The following TLN2 variants were observed in gnomAD, a reference collection of about 807,000 sequenced individuals.
TLN2 encodes talin 2, also known as talin-2.
TLN2 carries 118 observed loss-of-function variants against 294.7 expected under a neutral mutation model. The observed-to-expected ratio is 0.40, with a 90% CI of 0.34 to 0.47. The LOEUF is 0.47. TLN2 is among the 20% of genes least tolerant of loss of function. The pLI, the probability that TLN2 is intolerant of heterozygous loss-of-function variation, is 0.84. For synonymous variants in TLN2, 1,431 were observed against 1,304.5 expected (o/e 1.10, Z -2.09); for missense variants, 3,083 against 3,282.2 (o/e 0.94, Z 1.48).
In TLN2 at chr15:62,691,443, T is replaced by G. The variant is rs989182666; in HGVS notation, c.1114-1397T>G. ...CAGTTCTGTAATTTCCATTTGGTTCTTTTTTATGACTTCTGTTTCTTTGTT... is the reference window on the plus strand; with the variant it reads ...CAGTTCTGTAATTTCCATTTGGTTCGTTTTTATGACTTCTGTTTCTTTGTT... On this transcript the variant is annotated intron_variant, in intron 12 of 58. Transcript: ENST00000636159. Among the ~76,000 whole-genome samples, 7 of 152,232 alleles carry G rather than the reference T, an allele frequency of 4.6e-5. No individual in the cohort carries two copies. In the East Asian group the frequency reaches 1.2e-3, roughly 25 times the overall value.
chr15:62,484,226 T>G (rs2038260164), intron 1 of TLN2, among the ~76,000 whole-genome samples: 1 of 152,192 alleles, frequency 6.6e-6, no homozygotes, highest in African/African-American at 2.4e-5. Flanking sequence ...ACTTGAATGC[T>G]AGTGCTCTGG....
intron 1 of TLN2, among the ~76,000 whole-genome samples, chr15:62,553,251 T>A (rs2042422323): frequency 6.6e-6 from 1 of 152,094 alleles, no homozygotes; most frequent in East Asian, 1.9e-4. Flanking sequence ...ATCCCAGCAC[T>A]TTGGGAGGCC....
rs1040608557 is a variant in TLN2 at position 62,693,575 on chromosome 15, G to A, written c.1215+634G>A. Among the ~76,000 whole-genome samples the A allele has an allele frequency of 3.4e-5, 5 of 148,028 alleles. No individual in the cohort carries two copies. The Admixed American group carries it at 3.4e-4, about 10-fold the overall frequency. ...CAGCCTCTGTGGGAACTTGGATTGA[G>A]GGGCCAAAAATGATCTTTGTAGTTT... On this transcript the variant is annotated intron_variant, in intron 13 of 58. Transcript: ENST00000636159.
intron 22 of TLN2, among the ~76,000 whole-genome samples, chr15:62,713,901 T>TAC (rs1268502599): frequency 1.9e-5 from 2 of 106,040 alleles, no homozygotes; most frequent in Non-Finnish European, 4.9e-5. Context: ...TTAAGCCATA[T>TAC]ATATATATAT....
At chr15:62,538,375 A>G (rs1301147920) in intron 1 of TLN2, among the ~76,000 whole-genome samples, 1 of 152,192 alleles carries the variant, frequency 6.6e-6, no homozygotes, top group African/African-American at 2.4e-5. Context: ...CCTAATTCTT[A>G]TAGGACCACT....
chr15:62,511,667 T>A (rs1211946), intron 1 of TLN2, among the ~76,000 whole-genome samples: 6,361 of 151,908 alleles, frequency 0.042, 449 homozygotes, highest in African/African-American at 0.15. Context: ...GTAAGCGGTA[T>A]GCTTCATGGA....
chr15:62,770,582 G>T (rs1217188502), intron 41 of TLN2, among the ~76,000 whole-genome samples: 2 of 152,084 alleles, frequency 1.3e-5, no homozygotes, highest in Non-Finnish European at 2.9e-5. Flanking sequence ...GCTTTTTTCT[G>T]CTCCCCTGCT....
chr15:62,410,477 G>A (rs1044170819), intron 1 of TLN2, among the ~76,000 whole-genome samples: 8 of 152,196 alleles, frequency 5.3e-5, no homozygotes. Context: ...AAAGGTATCA[G>A]AGGAACTTGT....
At chr15:62,433,405 G>A (rs140239618) in intron 1 of TLN2, among the ~76,000 whole-genome samples, 1 of 152,118 alleles carries the variant, frequency 6.6e-6, no homozygotes, top group Non-Finnish European at 1.5e-5. Context: ...AGGGCCTGCT[G>A]AGAACCAGAG....
intron 22 of TLN2, among the ~76,000 whole-genome samples, chr15:62,713,898 A>ATG: frequency 7.1e-5 from 1 of 13,990 alleles, no homozygotes; most frequent in Non-Finnish European, 2.8e-4. Context: ...TCTTTAAGCC[A>ATG]TATATATATA....
intron 1 of TLN2, among the ~76,000 whole-genome samples, chr15:62,412,619 G>A (rs1159677265): frequency 6.6e-6 from 1 of 152,178 alleles, no homozygotes; most frequent in Non-Finnish European, 1.5e-5. Context: ...GTAAGAGTCA[G>A]CAACTTTGAG....
chr15:62,694,065 T>TCAAG (rs1215135321), intron 13 of TLN2, among the ~76,000 whole-genome samples: 2 of 148,848 alleles, frequency 1.3e-5, no homozygotes, highest in Non-Finnish European at 3.0e-5. Flanking sequence ...GCCTCCCAGT[T>TCAAG]CAAGCAATTC....
At chr15:62,760,960 C>T (rs1013133057) in intron 37 of TLN2, among the ~76,000 whole-genome samples, 4 of 152,172 alleles carry the variant, frequency 2.6e-5, no homozygotes, top group Admixed American at 1.3e-4. Flanking sequence ...ATGCTCTCTC[C>T]GGTCTTATCT....
chr15:62,442,621 C>T (rs1450745957), intron 1 of TLN2, among the ~76,000 whole-genome samples: 1 of 151,208 alleles, frequency 6.6e-6, no homozygotes, highest in Non-Finnish European at 1.5e-5. Context: ...ATTTTGGTGA[C>T]CAGAAGTGTA....
At chr15:62,497,104 C>T (rs556864452) in intron 1 of TLN2, among the ~76,000 whole-genome samples, 40 of 152,214 alleles carry the variant, frequency 2.6e-4, no homozygotes, top group African/African-American at 9.2e-4. Context: ...TTCTGACACC[C>T]GTGGGAATGA....
At chr15:62,696,996 T>C (rs888600205) in intron 14 of TLN2, among the ~76,000 whole-genome samples, 1 of 152,228 alleles carries the variant, frequency 6.6e-6, no homozygotes, top group Non-Finnish European at 1.5e-5. Flanking sequence ...ACAAGGTTGA[T>C]ACTTGTTTAA....
intron 13 of TLN2, among the ~76,000 whole-genome samples, chr15:62,693,955 C>CTTTTT (rs71131123): frequency 1.1e-5 from 1 of 94,228 alleles, no homozygotes; most frequent in African/African-American, 4.0e-5. Context: ...GATTTTCTTT[C>CTTTTT]TTTTTTTTTT....
At chr15:62,401,279 T>G (rs1158662653) in intron 1 of TLN2, among the ~76,000 whole-genome samples, 1 of 152,004 alleles carries the variant, frequency 6.6e-6, no homozygotes, top group Non-Finnish European at 1.5e-5. Flanking sequence ...TTTCAGCCAC[T>G]TAGTTTTAAT....
intron 54 of TLN2, among the ~76,000 whole-genome samples, chr15:62,822,907 G>A (rs1001018320): frequency 2.1e-4 from 32 of 152,044 alleles, no homozygotes; most frequent in Non-Finnish European, 3.4e-4. Flanking sequence ...GGAAGGGTCT[G>A]TGTTTTAACA....
Sources: gnomAD v4.1 joint callset for allele counts (sites outside exome capture counted in the v4.1 genomes callset) on GRCh38, gnomAD v4.1.1 for gene constraint, MANE v1.5 for transcripts, NCBI Gene and HGNC (gene_info 2026-07-23, HGNC 2026-07-21) for gene names.